ZNF546: variants seen among roughly 807,000 people sequenced by gnomAD.
ZNF546 encodes the protein CTC-471F3.6.
A neutral mutation model predicts 76.2 loss-of-function variants in ZNF546; 60 were observed. That is an observed-to-expected ratio of 0.79 (90% CI 0.64 to 0.98). The LOEUF is 0.98. Among genes scored for constraint, ZNF546 ranks in the 50% least tolerant of loss-of-function variants. ZNF546 has a pLI of 0.00. For synonymous variants in ZNF546, 277 were observed against 328.1 expected (o/e 0.84, Z 1.68); for missense variants, 936 against 1,035.6 (o/e 0.90, Z 1.32).
At position 40,014,402 on chromosome 19, in the gene ZNF546, A is replaced by G; in HGVS notation, c.1132A>G (p.Ile378Val). ...VQRHISQHQK[I>V]HTGVKPYKCN... ...ACGACATATTAGTCAACATCAGAAA[A>G]TTCATACTGGTGTCAAACCCTATAA... Residue 378 changes from isoleucine (I) to valine (V), a missense_variant, in exon 7 of 7, where the codon ATT becomes GTT. Ile to Val is a conservative substitution (Grantham distance 29, BLOSUM62 3). Transcript: ENST00000347077. 6.2e-7 allele frequency: 1 copy of G among 1,614,124 alleles called. No individual in the cohort carries two copies. Among genetic ancestry groups the G allele is most frequent in the Non-Finnish European group, 8.5e-7 (1 of 1,180,004 alleles).
chr19:40,015,126 G>A lies in ZNF546; in HGVS notation c.1856G>A (p.Arg619Gln), dbSNP rs373735181. 80 of 1,613,592 alleles carry A rather than the reference G, an allele frequency of 5.0e-5. No homozygotes were observed. The highest frequency in any genetic ancestry group is 1.9e-4 in the African/African-American group (14 of 74,782). ...YICNECGKAF[R>Q]FQTELTQHHR... ...TGTAATGAATGTGGGAAAGCCTTTC[G>A]ATTTCAAACAGAACTTACTCAGCAT... is the stretch of plus-strand genomic sequence containing the variant. The change falls in exon 7 of 7, where the codon CGA becomes CAA. Residue 619 changes from arginine (R) to glutamine (Q), a missense_variant. Arg to Gln is a conservative substitution (Grantham distance 43). Transcript: ENST00000347077.
chr19:40,015,665 C>T lies in ZNF546; in HGVS notation c.2395C>T (p.His799Tyr), dbSNP rs200719219. ...AGAACTTACTCGACATCACAGAATT[C>T]ATACTGGTGAAAAACCCTATCAATG... The part of the protein sequence containing the change: ...NSELTRHHRI[H>Y]TGEKPYQCKE... The change falls in exon 7 of 7, where the codon CAT (histidine) becomes TAT (tyrosine). Residue 799 changes from histidine (H) to tyrosine (Y), a missense_variant. Coordinates refer to ENST00000347077, the MANE Select transcript of ZNF546 (RefSeq NM_178544.5). 7 of 1,614,176 alleles carry T rather than the reference C, an allele frequency of 4.3e-6. No homozygotes were observed. The South Asian group carries it at 7.7e-5, about 18-fold the overall frequency.
chr19:40,015,601 T>C lies in ZNF546; in HGVS notation c.2331T>C (p.Tyr777=), dbSNP rs1322106009. The C allele has an allele frequency of 6.2e-7, 1 of 1,613,794 alleles. No homozygotes were observed. The highest frequency in any genetic ancestry group is 1.1e-5 in the South Asian group (1 of 91,050). The change falls in exon 7 of 7, where the codon TAT becomes TAC. Residue 777 remains tyrosine (Y), a synonymous_variant. Coordinates refer to ENST00000347077, the MANE Select transcript of ZNF546 (RefSeq NM_178544.5). The stretch of plus-strand genomic sequence containing the variant: ...TAGTTCACACGGGTGAGAAACCCTA[T>C]AAATGTAAAGAATGTGGGAAAGCCT... ...HHIVHTGEKP[Y]KCKECGKAFS...
At chr19:40,012,251 G>A (rs1469396525) in intron 6 of ZNF546, among the ~76,000 whole-genome samples, 1 of 152,110 alleles carries the variant, frequency 6.6e-6, no homozygotes, top group African/African-American at 2.4e-5. Flanking sequence ...TAATGTTCAA[G>A]GTAACAATAG....
In ZNF546 at chr19:40,014,132, C is replaced by G; in HGVS notation, c.862C>G (p.Leu288Val). 1 of 1,613,966 alleles carries G rather than the reference C, an allele frequency of 6.2e-7. No individual in the cohort carries two copies. Among genetic ancestry groups the G allele is most frequent in the Non-Finnish European group, 8.5e-7 (1 of 1,179,954 alleles). The change falls in exon 7 of 7, where the codon CTT (leucine) becomes GTT (valine). Residue 288 changes from leucine to valine, a missense_variant. Physicochemically the swap from Leu to Val is conservative, Grantham distance 32. Coordinates refer to ENST00000347077, the MANE Select transcript of ZNF546 (RefSeq NM_178544.5). ...GAAGGCCTTTAGACTTCATTATCAC[C>G]TTACTGAACATCAGAGAATACATTC... is the stretch of plus-strand genomic sequence containing the variant. Reference protein sequence around the residue: ...CGKAFRLHYHLTEHQRIHSGV... With the variant: ...CGKAFRLHYHVTEHQRIHSGV...
chr19:40,014,663 G>A lies in ZNF546; in HGVS notation c.1393G>A (p.Gly465Ser), dbSNP rs373509954. ...TACTCGGCATCATAGAACTCATACT[G>A]GTGAGAAACCCTATGAATGTAAGGA... ...ELTRHHRTHT[G>S]EKPYECKECG... Residue 465 changes from glycine to serine, a missense_variant, in exon 7 of 7, where the codon GGT (glycine) becomes AGT (serine). By Grantham distance (56) the Gly-to-Ser change is moderately conservative. Coordinates refer to ENST00000347077, the MANE Select transcript of ZNF546 (RefSeq NM_178544.5). 3.1e-6 allele frequency: 5 copies of A among 1,613,428 alleles called. No individual in the cohort carries two copies. In the African/African-American group the frequency reaches 6.7e-5, roughly 22 times the overall value.
Position 40,015,980 on chromosome 19 carries a change from C to G in ZNF546, c.*199C>G. On this transcript the variant is annotated 3_prime_UTR_variant, in exon 7 of 7. Coordinates refer to ENST00000347077, the MANE Select transcript of ZNF546 (RefSeq NM_178544.5). ...AGACTTTAGAAGATTGATACTGATG[C>G]ACTGCATCCCAAACCATCAAGGGCC... 1.7e-6 allele frequency: 1 copy of G among 587,730 alleles called. No individual in the cohort carries two copies. Among genetic ancestry groups the G allele is most frequent in the Non-Finnish European group, 3.0e-6 (1 of 332,842 alleles). 36.4% of individuals were successfully genotyped at this position (587,730 alleles called of 1,614,324 possible).
intron 6 of ZNF546, among the ~76,000 whole-genome samples, chr19:40,011,940 G>T (rs1014902469): frequency 1.3e-5 from 2 of 152,134 alleles, no homozygotes; most frequent in Non-Finnish European, 2.9e-5. Flanking sequence ...ACATTCACAG[G>T]CACTGGGAGT....
intron 3 of ZNF546, chr19:39,999,901 A>G (rs1016341703): frequency 2.0e-5 from 3 of 152,212 alleles, no homozygotes; most frequent in African/African-American, 7.2e-5. Context: ...TTTTCAGCAC[A>G]CTTGTATGTA....
chr19:40,020,544 G>A lies in ZNF546; in HGVS notation c.*4763G>A, dbSNP rs547484380. ...ACAGTAGTACTTAATGGCAACTTGAGAATTGGTTTGTGGGCACACAGCCTT... is the reference window on the plus strand; with the variant it reads ...ACAGTAGTACTTAATGGCAACTTGAAAATTGGTTTGTGGGCACACAGCCTT... On this transcript the variant is annotated 3_prime_UTR_variant, in exon 7 of 7. Coordinates refer to ENST00000347077, the MANE Select transcript of ZNF546 (RefSeq NM_178544.5). The A allele has an allele frequency of 5.9e-5, 9 of 152,282 alleles. No homozygotes were observed. The South Asian group carries it at 1.9e-3, about 32-fold the overall frequency. 9.4% of individuals were successfully genotyped at this position (152,282 alleles called of 1,614,324 possible). A position where few individuals can be genotyped will look rare whatever the true frequency, so the allele number is the denominator to read the frequency against.
chr19:40,003,326 C>T (rs1053940057), intron 3 of ZNF546, among the ~76,000 whole-genome samples: 3 of 152,118 alleles, frequency 2.0e-5, no homozygotes, highest in Non-Finnish European at 4.4e-5. Context: ...CGTGAGCCAC[C>T]GTGCCCAGCT....
At chr19:40,004,401 G>A (rs766358110) in intron 3 of ZNF546, among the ~76,000 whole-genome samples, 7 of 151,798 alleles carry the variant, frequency 4.6e-5, no homozygotes, top group Non-Finnish European at 1.0e-4. Flanking sequence ...CCAAGTAGCT[G>A]GGATTACAGG....
intron 6 of ZNF546, among the ~76,000 whole-genome samples, chr19:40,013,448 G>A (rs1971696865): frequency 6.6e-6 from 1 of 152,118 alleles, no homozygotes; most frequent in Non-Finnish European, 1.5e-5. Flanking sequence ...TTGTGACAGA[G>A]ACCATATGCC....
chr19:40,005,084 TTTCA>T (rs1971587610), intron 3 of ZNF546, among the ~76,000 whole-genome samples: 1 of 142,206 alleles, frequency 7.0e-6, no homozygotes, highest in Non-Finnish European at 1.5e-5. Context: ...AGTGGCGCGA[TTTCA>T]GCTCACTGCA....
chr19:39,997,719 C>T (rs944989565), intron 1 of ZNF546, 142 bp from the exon 2 acceptor site: 1 of 152,452 alleles, frequency 6.6e-6, no homozygotes, highest in African/African-American at 2.4e-5. Flanking sequence ...ATCCCAGCCT[C>T]ACTCTCACAC....
Position 40,015,218 on chromosome 19 carries a change from ACT to A in ZNF546, c.1950_1951del (p.His651SerfsTer11). On this transcript the variant is annotated frameshift_variant, in exon 7 of 7. Transcript: ENST00000347077. LOFTEE classifies it high-confidence loss of function. The part of the protein sequence containing the change: ...TECGKAFIRS[T>X]HLTQHHRIHT... ...ATGTGGGAAGGCCTTTATTCGTAGCACTCATCTCACGCAACATCACAGAATTC... is the reference window on the plus strand; with the variant it reads ...ATGTGGGAAGGCCTTTATTCGTAGCACATCTCACGCAACATCACAGAATTC... 6.2e-7 allele frequency: 1 copy of A among 1,612,446 alleles called. No individual in the cohort carries two copies. Among genetic ancestry groups the A allele is most frequent in the Non-Finnish European group, 8.5e-7 (1 of 1,179,518 alleles).
rs749622791 is a variant in ZNF546 at position 40,016,871 on chromosome 19, T to C, written c.*1090T>C. 8 of 152,244 alleles carry C rather than the reference T, an allele frequency of 5.3e-5. No homozygotes were observed. Among genetic ancestry groups the C allele is most frequent in the Non-Finnish European group, 8.8e-5 (6 of 68,036 alleles). The allele number at this position is 152,244 out of a possible 1,614,324, so 9.4% of individuals were successfully genotyped here. On this transcript the variant is annotated 3_prime_UTR_variant, in exon 7 of 7. Transcript: ENST00000347077. ...TGCCTATGTGGTGTTTGGCAAAACA[T>C]GCCCCTGTGCCTTGGTTTTTAAAAT...
rs867735093 is a variant in ZNF546, at chr19:40,006,095, G to T, written c.85-1G>T. The T allele has an allele frequency of 6.2e-7, 1 of 1,613,778 alleles. No homozygotes were observed. The highest frequency in any genetic ancestry group is 1.1e-5 in the South Asian group (1 of 91,014). ...TCAGAGTCACTTGTTCTTCCCCCCAGCCCCGGTTTCTCTGGATTCTGTGCT... is the reference window on the plus strand; with the variant it reads ...TCAGAGTCACTTGTTCTTCCCCCCATCCCCGGTTTCTCTGGATTCTGTGCT... On this transcript the variant is annotated splice_acceptor_variant, in intron 3 of 6. Coordinates refer to ENST00000347077, the MANE Select transcript of ZNF546 (RefSeq NM_178544.5). LOFTEE classifies it high-confidence loss of function.
chr19:40,013,568 C>T lies in ZNF546; in HGVS notation c.395-97C>T, dbSNP rs79800933. On this transcript the variant is annotated intron_variant, in intron 6 of 6. Coordinates refer to ENST00000347077, the MANE Select transcript of ZNF546 (RefSeq NM_178544.5). The stretch of plus-strand genomic sequence containing the variant: ...TGTTATTTCTGTTTATCTTTTATTT[C>T]TACTATGAGGTACAACCCCCATCCC... The T allele has an allele frequency of 8.7e-3, 8,539 of 976,112 alleles. 133 individuals carry two copies. The highest frequency in any genetic ancestry group is 0.051 in the South Asian group (2,568 of 50,802). 60.5% of individuals were successfully genotyped at this position (976,112 alleles called of 1,614,324 possible).
Sources: allele counts gnomAD v4.1 joint callset (sites outside exome capture counted in the v4.1 genomes callset), GRCh38; gene constraint gnomAD v4.1.1; transcripts MANE v1.5; gene names NCBI Gene and HGNC (gene_info 2026-07-23, HGNC 2026-07-21).